The following PHGR1 variants were observed in gnomAD, a reference collection of about 807,000 sequenced individuals.
PHGR1 encodes the protein proline, histidine and glycine-rich protein 1.
In PHGR1, 3 loss-of-function variants were observed where a neutral mutation model predicts 4.9. The ratio of observed to expected loss-of-function variants is 0.61; its 90% CI spans 0.28 to 1.58. PHGR1 has a LOEUF of 1.58. Ranked by LOEUF, PHGR1 falls within the 40% of genes most tolerant of loss-of-function variation. The pLI is 0.11. For missense variants in PHGR1, 81 were observed against 118.7 expected, an observed-to-expected ratio of 0.68 and a Z score of 1.48; for synonymous variants, 32 against 46.1, an observed-to-expected ratio of 0.69 and a Z score of 1.24.
At chr15:40,353,475 C>T (rs1422791183) in intron 2 of PHGR1, 21 of 638,378 alleles carry the variant, frequency 3.3e-5, no homozygotes, top group Non-Finnish European at 5.1e-5. Context: ...CATGCTTACT[C>T]ATCATGTTCT....
chr15:40,355,776 A>C (rs1889284153), intron 3 of PHGR1, among the ~76,000 whole-genome samples: 1 of 152,242 alleles, frequency 6.6e-6, no homozygotes, highest in African/African-American at 2.4e-5. Context: ...AGATGAAATA[A>C]TTCTGCTTCT....
chr15:40,352,044 A>T (rs1410555310), intron 1 of PHGR1, among the ~76,000 whole-genome samples: 8 of 152,238 alleles, frequency 5.3e-5, no homozygotes, highest in East Asian at 1.9e-4. Context: ...GCCAAAAAAA[A>T]TTTTTTTAAT....
intron 2 of PHGR1, among the ~76,000 whole-genome samples, 172 bp from the exon 3 acceptor site, chr15:40,354,173 C>T (rs1889252160): frequency 6.6e-6 from 1 of 152,184 alleles, no homozygotes; most frequent in African/African-American, 2.4e-5. Flanking sequence ...TGTATCTTTG[C>T]TGAGAGAATG....
intron 3 of PHGR1, 134 bp downstream of exon 3, chr15:40,354,486 AG>A: frequency 8.5e-7 from 1 of 1,169,634 alleles, no homozygotes; most frequent in Admixed American, 2.5e-5. Flanking sequence ...AGGCTCAGGC[AG>A]CAGCCCCGTG....
rs1889258061 is a variant in PHGR1 at position 40,354,464 on chromosome 15, AAAG to A, written c.18+116_18+118del. 5.3e-6 allele frequency: 7 copies of A among 1,325,418 alleles called. No individual in the cohort carries two copies. The East Asian group carries it at 1.0e-4, about 19-fold the overall frequency. The allele number at this position is 1,325,418 out of a possible 1,614,324, so 82.1% of individuals were successfully genotyped here. A position where few individuals can be genotyped will look rare whatever the true frequency, so the allele number is the denominator to read the frequency against. The stretch of plus-strand genomic sequence containing the variant: ...AGCAGCCACCACTTCCCCCAAATGA[AAAG>A]AAGGGAGCAGGCTCAGGCAGCAGCC... On this transcript the variant is annotated intron_variant, in intron 3 of 3. Transcript: ENST00000448599.
Position 40,356,401 on chromosome 15 carries a change from A to G in PHGR1, c.*98A>G. 1 of 1,525,968 alleles carries G rather than the reference A, an allele frequency of 6.6e-7. No individual in the cohort carries two copies. Among genetic ancestry groups the G allele is most frequent in the Non-Finnish European group, 8.9e-7 (1 of 1,126,250 alleles). The allele number at this position is 1,525,968 out of a possible 1,614,324, so 94.5% of individuals were successfully genotyped here. A position where few individuals can be genotyped will look rare whatever the true frequency, so the allele number is the denominator to read the frequency against. On this transcript the variant is annotated 3_prime_UTR_variant, in exon 4 of 4. Coordinates refer to ENST00000448599, the MANE Select transcript of PHGR1 (RefSeq NM_001145643.2). Reference sequence around the variant, plus strand: ...AACCACAATCTTCTCTTCCTAATAAACAGCCTCCTAGAGGCCACATTCTAT... The same window carrying G: ...AACCACAATCTTCTCTTCCTAATAAGCAGCCTCCTAGAGGCCACATTCTAT...
chr15:40,355,636 T>C (rs544443311), intron 3 of PHGR1, among the ~76,000 whole-genome samples: 52 of 152,242 alleles, frequency 3.4e-4, no homozygotes, highest in Middle Eastern at 3.4e-3. Context: ...CCCCTGCCCC[T>C]GGCCTTCAAA....
chr15:40,355,331 G>A lies in PHGR1; in HGVS notation c.19-742G>A, dbSNP rs114347421. 4.7e-3 allele frequency among the ~76,000 whole-genome samples: 718 copies of A among 152,186 alleles called. 5 individuals carry two copies. Among genetic ancestry groups the A allele is most frequent in the African/African-American group, 0.016 (668 of 41,514 alleles). ...TCCTGATTTCTTGGGTCTGGCATCC[G>A]CTCAGGAACAGGTATGAGCTCGCAC... On this transcript the variant is annotated intron_variant, in intron 3 of 3. Transcript: ENST00000448599.
At chr15:40,355,991 G>C in intron 3 of PHGR1, 82 bp from the exon 4 acceptor site, 2 of 1,391,398 alleles carry the variant, frequency 1.4e-6, no homozygotes, top group East Asian at 2.5e-5. Context: ...GTCCCCCAGG[G>C]AAGTGGAGTG....
intron 1 of PHGR1, 94 bp from the exon 2 acceptor site, chr15:40,353,137 GT>G (rs1308082768): frequency 5.3e-4 from 503 of 945,838 alleles, no homozygotes; most frequent in Non-Finnish European, 5.2e-4. Context: ...GTGTGTGTGT[GT>G]GTGTGTGTGC....
chr15:40,351,139 A>C (rs903041506), intron 1 of PHGR1, 77 bp downstream of exon 1: 2 of 152,492 alleles, frequency 1.3e-5, no homozygotes, highest in Admixed American at 6.5e-5. Flanking sequence ...GCATGTGGTC[A>C]GGGTCTCTCT....
chr15:40,355,672 C>T (rs1055594145), intron 3 of PHGR1, among the ~76,000 whole-genome samples: 4 of 152,154 alleles, frequency 2.6e-5, no homozygotes, highest in Non-Finnish European at 5.9e-5. Context: ...CTCCTCTAGC[C>T]TCACCCTTGC....
At chr15:40,353,533 C>A in intron 2 of PHGR1, 1 of 474,012 alleles carries the variant, frequency 2.1e-6, no homozygotes, top group Admixed American at 3.4e-5. Context: ...ACTCAAGGCC[C>A]AGGGGAGCTA....
intron 1 of PHGR1, among the ~76,000 whole-genome samples, chr15:40,352,619 C>T (rs1023695615): frequency 7.2e-5 from 11 of 152,122 alleles, no homozygotes; most frequent in Non-Finnish European, 1.0e-4. Flanking sequence ...CAGCTAGGAC[C>T]CCATGGAAGG....
intron 1 of PHGR1, 146 bp from the exon 2 acceptor site, chr15:40,353,086 T>G: frequency 1.1e-6 from 1 of 897,548 alleles, no homozygotes; most frequent in Non-Finnish European, 1.7e-6. Flanking sequence ...GAGGGAGCAG[T>G]TTTTTCCCTT....
chr15:40,352,810 C>T (rs1029563130), intron 1 of PHGR1, among the ~76,000 whole-genome samples: 1 of 152,212 alleles, frequency 6.6e-6, no homozygotes, highest in African/African-American at 2.4e-5. Flanking sequence ...TCTGTAGGGA[C>T]AAGCATACCA....
At chr15:40,352,449 T>A (rs1487557010) in intron 1 of PHGR1, among the ~76,000 whole-genome samples, 2 of 152,118 alleles carry the variant, frequency 1.3e-5, no homozygotes, top group East Asian at 1.9e-4. Flanking sequence ...GGGTTGTCCA[T>A]TGTGACTTGC....
Position 40,356,256 on chromosome 15 carries a change from C to G in PHGR1, c.202C>G (p.Pro68Ala), listed in dbSNP as rs1173674987. 1 of 1,548,256 alleles carries G rather than the reference C, an allele frequency of 6.5e-7. No homozygotes were observed. Among genetic ancestry groups the G allele is most frequent in the Non-Finnish European group, 8.7e-7 (1 of 1,145,876 alleles). The change falls in exon 4 of 4, where the codon CCC becomes GCC. Residue 68 changes from proline to alanine, a missense_variant. Physicochemically the swap from Pro to Ala is conservative, Grantham distance 27. Transcript: ENST00000448599. ...PHHGPGPCGP[P>A]PGHGPGHPPP... ...CCATGGTCCAGGGCCCTGCGGGCCTCCCCCTGGCCATGGCCCAGGTCACCC... is the reference window on the plus strand; with the variant it reads ...CCATGGTCCAGGGCCCTGCGGGCCTGCCCCTGGCCATGGCCCAGGTCACCC...
In PHGR1 at chr15:40,354,372, G is replaced by T; in HGVS notation, c.18+20G>T. ...CCGAAGGTAGGAAAGTTCCCCCAAT[G>T]GTCTCCCCTTTTTCCTCCCACTGTC... is the stretch of plus-strand genomic sequence containing the variant. On this transcript the variant is annotated intron_variant, in intron 3 of 3. Transcript: ENST00000448599. 2.6e-6 allele frequency: 4 copies of T among 1,534,126 alleles called. No homozygotes were observed. The highest frequency in any genetic ancestry group is 3.5e-6 in the Non-Finnish European group (4 of 1,144,292).
Sources: allele counts gnomAD v4.1 joint callset (sites outside exome capture counted in the v4.1 genomes callset), GRCh38; gene constraint gnomAD v4.1.1; transcripts MANE v1.5; gene names NCBI Gene and HGNC (gene_info 2026-07-23, HGNC 2026-07-21).